Variants in DLGAP4 observed in about 807,000 individuals in gnomAD.
DLGAP4 encodes the protein DLG associated protein 4, also known as disks large-associated protein 4.
A neutral mutation model predicts 86.9 loss-of-function variants in DLGAP4; 18 were observed. The observed-to-expected ratio is 0.21, with a 90% CI of 0.14 to 0.31. DLGAP4 has a LOEUF of 0.31. Ranked by LOEUF, DLGAP4 falls within the 10% of genes least tolerant of loss-of-function variation. DLGAP4 has a pLI of 1.00. For synonymous variants in DLGAP4, 548 were observed against 574.3 expected (o/e 0.95, Z 0.65); for missense variants, 1,085 against 1,362.6 (o/e 0.80, Z 3.21).
chr20:36,479,391 G>C (rs978560578), intron 7 of DLGAP4, among the ~76,000 whole-genome samples: 6 of 152,094 alleles, frequency 3.9e-5, no homozygotes, highest in African/African-American at 9.7e-5. Context: ...GCCAGGATTG[G>C]AGGTCACAGG....
At chr20:36,507,212 G>T (rs1471055929) in intron 10 of DLGAP4, among the ~76,000 whole-genome samples, 1 of 147,414 alleles carries the variant, frequency 6.8e-6, no homozygotes, top group Admixed American at 6.8e-5. Context: ...CACAAAAGTT[G>T]TTTTTTTTTT....
intron 2 of DLGAP4, among the ~76,000 whole-genome samples, chr20:36,381,130 G>T (rs1273763645): frequency 6.6e-6 from 1 of 152,186 alleles, no homozygotes; most frequent in Non-Finnish European, 1.5e-5. Context: ...ATAAATGGTG[G>T]CTGCCTTTAT....
At chr20:36,449,646 G>A (rs959585069) in intron 7 of DLGAP4, among the ~76,000 whole-genome samples, 1 of 152,176 alleles carries the variant, frequency 6.6e-6, no homozygotes, top group South Asian at 2.1e-4. Flanking sequence ...CCCATGCGAA[G>A]TTCTCTAAGC....
intron 2 of DLGAP4, among the ~76,000 whole-genome samples, chr20:36,424,950 G>A (rs2032935234): frequency 6.6e-6 from 1 of 152,098 alleles, no homozygotes; most frequent in Admixed American, 6.6e-5. Context: ...TGGGCAGGGT[G>A]GTCTCAAATT....
chr20:36,505,019 G>A (rs1008462782), intron 10 of DLGAP4, among the ~76,000 whole-genome samples: 3 of 148,064 alleles, frequency 2.0e-5, no homozygotes, highest in Non-Finnish European at 3.0e-5. Context: ...ACGGAGTCTC[G>A]CTCTGTTGCC....
At chr20:36,427,053 A>G (rs1011728294) in intron 2 of DLGAP4, among the ~76,000 whole-genome samples, 4 of 152,026 alleles carry the variant, frequency 2.6e-5, no homozygotes, top group Admixed American at 1.3e-4. Context: ...TTAGCTGGGC[A>G]TGTACCTATA....
chr20:36,476,619 G>A (rs137888969), intron 7 of DLGAP4, among the ~76,000 whole-genome samples: 3,319 of 135,786 alleles, frequency 0.024, 55 homozygotes, highest in Middle Eastern at 0.12. Flanking sequence ...GTGAGCCACC[G>A]CACCTGGCCA....
intron 2 of DLGAP4, among the ~76,000 whole-genome samples, chr20:36,395,496 CT>C (rs895734409): frequency 6.6e-6 from 1 of 151,694 alleles, no homozygotes; most frequent in Admixed American, 6.6e-5. Flanking sequence ...TCAGCACTGC[CT>C]TTTTTTTATT....
At chr20:36,359,075 T>C (rs1279092888) in intron 1 of DLGAP4, among the ~76,000 whole-genome samples, 5 of 152,218 alleles carry the variant, frequency 3.3e-5, no homozygotes, top group Admixed American at 1.3e-4. Flanking sequence ...CATGTGGCTA[T>C]TGAACTTCAA....
At chr20:36,505,081 G>A (rs1157803556) in intron 10 of DLGAP4, among the ~76,000 whole-genome samples, 1 of 151,726 alleles carries the variant, frequency 6.6e-6, no homozygotes, top group African/African-American at 2.4e-5. Flanking sequence ...TCCGCCTGCT[G>A]GGTTCAGGCA....
intron 7 of DLGAP4, among the ~76,000 whole-genome samples, chr20:36,481,852 T>G (rs1375083483): frequency 6.6e-6 from 1 of 152,238 alleles, no homozygotes; most frequent in Non-Finnish European, 1.5e-5. Flanking sequence ...CCTGTGACTT[T>G]CCTGTAACAG....
chr20:36,513,483 G>A (rs1181883480), intron 10 of DLGAP4, among the ~76,000 whole-genome samples: 2 of 147,866 alleles, frequency 1.4e-5, no homozygotes, highest in Non-Finnish European at 3.0e-5. Flanking sequence ...GGGAAGCGGA[G>A]CTTGCAGTGA....
intron 1 of DLGAP4, among the ~76,000 whole-genome samples, chr20:36,333,151 C>T (rs1555891746): frequency 6.6e-6 from 1 of 152,046 alleles, no homozygotes; most frequent in Non-Finnish European, 1.5e-5. Context: ...GAGACCTTGG[C>T]CTTGCAGTGG....
chr20:36,526,975 A>T lies in DLGAP4; in HGVS notation c.2923A>T (p.Thr975Ser). The change falls in exon 13 of 13, where the codon ACC (threonine) becomes TCC (serine). Residue 975 changes from threonine (T) to serine (S), a missense_variant. This residue lies in a region of DLGAP4 where 1,082 missense variants were observed against 1,344.1 expected (regional missense o/e 0.81). Coordinates refer to ENST00000339266, the MANE Select transcript of DLGAP4 (RefSeq NM_001365621.2). ...AGCTTCTGTGCGGCAGAACTCAGCC[A>T]CCGAGAGCGCAGACAGCATCGAGAT... is the stretch of plus-strand genomic sequence containing the variant. ...RAASVRQNSA[T>S]ESADSIEIYV... The T allele has an allele frequency of 6.2e-7, 1 of 1,613,684 alleles. No individual in the cohort carries two copies. The highest frequency in any genetic ancestry group is 8.5e-7 in the Non-Finnish European group (1 of 1,179,828).
chr20:36,466,966 GTCTCTCTCCTCTCTCTCTCTC>G (rs2034395127), intron 7 of DLGAP4, among the ~76,000 whole-genome samples: 2 of 72,570 alleles, frequency 2.8e-5, no homozygotes, highest in Non-Finnish European at 5.3e-5. Flanking sequence ...CTCTCTCTCT[GTCTCTCTCCTCTCTCTCTCTC>G]TCTGTCTCTG....
chr20:36,348,543 C>T (rs902671498), intron 1 of DLGAP4, among the ~76,000 whole-genome samples: 2 of 152,060 alleles, frequency 1.3e-5, no homozygotes, highest in African/African-American at 2.4e-5. Flanking sequence ...CTCAGCCTCC[C>T]GAGTAGTTGG....
chr20:36,427,431 C>G (rs909939267), intron 2 of DLGAP4, among the ~76,000 whole-genome samples: 1 of 150,798 alleles, frequency 6.6e-6, no homozygotes, highest in Non-Finnish European at 1.5e-5. Context: ...TGAGCTGAGA[C>G]CACACCATTG....
chr20:36,419,932 G>A (rs79445477), intron 2 of DLGAP4, among the ~76,000 whole-genome samples: 15,730 of 152,272 alleles, frequency 0.1, 988 homozygotes, highest in East Asian at 0.18. Context: ...GGGGACCACC[G>A]GGGTGTATCT....
At position 36,332,369 on chromosome 20, in the gene DLGAP4, G is replaced by GT. The variant is rs200488900; in HGVS notation, c.-304+25865dup. Among the ~76,000 whole-genome samples the GT allele has an allele frequency of 1.9e-3, 285 of 151,496 alleles. 4 individuals are homozygous for GT. The East Asian group carries it at 0.046, about 24-fold the overall frequency. On this transcript the variant is annotated intron_variant, in intron 1 of 12. Coordinates refer to ENST00000339266, the MANE Select transcript of DLGAP4 (RefSeq NM_001365621.2). Reference sequence around the variant, plus strand: ...CCCTGTCCCGCCCGTTCCGTTTTTTGTTTTTTTTGTTTTGTTTTGTTTTTT... The same window carrying GT: ...CCCTGTCCCGCCCGTTCCGTTTTTTGTTTTTTTTTGTTTTGTTTTGTTTTTT...
Sources: gnomAD v4.1 joint callset for allele counts (sites outside exome capture counted in the v4.1 genomes callset) on GRCh38, gnomAD v4.1.1 for gene constraint, gnomAD v4.1.1 regional missense constraint, MANE v1.5 for transcripts, NCBI Gene and HGNC (gene_info 2026-07-23, HGNC 2026-07-21) for gene names.